DHRSX: variants seen among roughly 807,000 people sequenced by gnomAD.
The protein encoded by DHRSX is polyprenol dehydrogenase.
DHRSX carries 31 observed loss-of-function variants against 34.0 expected under a neutral mutation model. The ratio of observed to expected loss-of-function variants is 0.91; its 90% CI spans 0.69 to 1.23. DHRSX has a LOEUF of 1.23. Ranked by LOEUF, DHRSX falls within the 50% of genes most tolerant of loss-of-function variation. The pLI, the probability that DHRSX is intolerant of heterozygous loss-of-function variation, is 0.00. For missense variants in DHRSX, 414 were observed against 428.1 expected, an observed-to-expected ratio of 0.97 and a Z score of 0.29; for synonymous variants, 201 against 183.8, an observed-to-expected ratio of 1.09 and a Z score of -0.76.
rs147261132 is a variant in DHRSX, at chrX:2,340,440, G to A, written c.287-48837C>T. 7.0e-4 allele frequency among the ~76,000 whole-genome samples: 105 copies of A among 150,310 alleles called. 1 individual carries two copies. Among genetic ancestry groups the A allele is most frequent in the Admixed American group, 2.4e-3 (36 of 15,100 alleles). On this transcript the variant is annotated intron_variant, in intron 3 of 6. Transcript: ENST00000334651. ...GTAGTATTCCATGGTGTGTGTGTGCGTCTGTCTGTGTGTGTGTGTGTATAT... is the reference window on the plus strand; with the variant it reads ...GTAGTATTCCATGGTGTGTGTGTGCATCTGTCTGTGTGTGTGTGTGTATAT...
chrX:2,240,030 C>G (rs1000596273), intron 6 of DHRSX, among the ~76,000 whole-genome samples: 27 of 151,814 alleles, frequency 1.8e-4, no homozygotes, highest in South Asian at 4.2e-4. Context: ...CGGTGGCTCA[C>G]GCCTGTAATC....
rs140389232 is a variant in DHRSX at position 2,302,003 on chromosome X, C to T, written c.287-10400G>A. Among the ~76,000 whole-genome samples the T allele has an allele frequency of 1.2e-3, 177 of 152,202 alleles. 2 individuals carry two copies. In the East Asian group the frequency reaches 0.031, roughly 26 times the overall value. ...CCCGGGTCCCCAGAACAGAGGTGGA[C>T]ATGGCTCCGATATCACAAGAACTGG... On this transcript the variant is annotated intron_variant, in intron 3 of 6. Transcript: ENST00000334651.
intron 3 of DHRSX, among the ~76,000 whole-genome samples, chrX:2,385,709 T>G (rs750522438): frequency 9.2e-5 from 14 of 152,248 alleles, no homozygotes; most frequent in Non-Finnish European, 5.9e-5. Context: ...GAGTTGCAAC[T>G]AAGTCAGGAG....
chrX:2,294,517 T>A (rs182171261), intron 3 of DHRSX, among the ~76,000 whole-genome samples: 71 of 151,718 alleles, frequency 4.7e-4, no homozygotes, highest in Non-Finnish European at 9.0e-4. Flanking sequence ...ATACAAAAAT[T>A]AGGCGACTGT....
chrX:2,282,642 G>GGGAGAGAGGGAAGGAA (rs2041726713), intron 4 of DHRSX, among the ~76,000 whole-genome samples: 1 of 67,560 alleles, frequency 1.5e-5, no homozygotes, highest in African/African-American at 4.9e-5. Context: ...GGGAAAGGGA[G>GGGAGAGAGGGAAGGAA]GGAGAGAGGG....
At chrX:2,365,338 C>A (rs9785579) in intron 3 of DHRSX, among the ~76,000 whole-genome samples, 1 of 152,152 alleles carries the variant, frequency 6.6e-6, no homozygotes, top group Non-Finnish European at 1.5e-5. Flanking sequence ...CAGGGTTTCA[C>A]CATGTTGGCC....
Position 2,335,519 on chromosome X carries a change from C to T in DHRSX, c.287-43916G>A, listed in dbSNP as rs771888091. Among the ~76,000 whole-genome samples the T allele has an allele frequency of 2.6e-5, 4 of 151,956 alleles. No homozygotes were observed. In the South Asian group the frequency reaches 6.2e-4, roughly 24 times the overall value. On this transcript the variant is annotated intron_variant, in intron 3 of 6. Coordinates refer to ENST00000334651, the MANE Select transcript of DHRSX (RefSeq NM_145177.3). ...AGGCTGGAGTGCAGTGGCGCGACCT[C>T]GGCTCACTGCAACCTCAGCCTCCCA...
intron 3 of DHRSX, among the ~76,000 whole-genome samples, chrX:2,406,450 T>G (rs1317111638): frequency 3.3e-5 from 5 of 151,700 alleles, no homozygotes; most frequent in Non-Finnish European, 7.4e-5. Flanking sequence ...TTTGTTTTTT[T>G]TTTTCTTTGA....
At chrX:2,348,125 G>C (rs2042743541) in intron 3 of DHRSX, among the ~76,000 whole-genome samples, 1 of 152,148 alleles carries the variant, frequency 6.6e-6, no homozygotes, top group Non-Finnish European at 1.5e-5. Flanking sequence ...ATAAGAAAAA[G>C]ACAGTGTGTT....
chrX:2,368,707 A>G lies in DHRSX; in HGVS notation c.286+40038T>C, dbSNP rs974917185. On this transcript the variant is annotated intron_variant, in intron 3 of 6. Coordinates refer to ENST00000334651, the MANE Select transcript of DHRSX (RefSeq NM_145177.3). ...TCTACTAAAAATACAAAAATTAGCC[A>G]GGCATGGTGACAGGTGCCTGTAATC... Among the ~76,000 whole-genome samples the G allele has an allele frequency of 4.6e-5, 7 of 151,886 alleles. No individual in the cohort carries two copies. The East Asian group carries it at 5.8e-4, about 13-fold the overall frequency.
At chrX:2,476,947 A>AGC (rs1244679821) in intron 1 of DHRSX, among the ~76,000 whole-genome samples, 1 of 152,146 alleles carries the variant, frequency 6.6e-6, no homozygotes, top group African/African-American at 2.4e-5. Flanking sequence ...GGCTGCAGTG[A>AGC]GCCGAGATCA....
intron 1 of DHRSX, among the ~76,000 whole-genome samples, chrX:2,436,062 A>G (rs894200874): frequency 1.3e-5 from 2 of 151,914 alleles, no homozygotes; most frequent in African/African-American, 4.8e-5. Flanking sequence ...GCATGGTAGC[A>G]CGCACCTGTA....
intron 5 of DHRSX, among the ~76,000 whole-genome samples, chrX:2,256,976 A>G (rs2041288186): frequency 6.6e-6 from 1 of 152,084 alleles, no homozygotes; most frequent in Admixed American, 6.6e-5. Flanking sequence ...TTAAGACAGA[A>G]TCTTGCTTTG....
chrX:2,310,985 C>T (rs185652588), intron 3 of DHRSX, among the ~76,000 whole-genome samples: 3 of 150,966 alleles, frequency 2.0e-5, no homozygotes, highest in East Asian at 2.0e-4. Flanking sequence ...CGCTTGAATC[C>T]GGGAGGCGGA....
chrX:2,328,421 G>A (rs1251836781), intron 3 of DHRSX, among the ~76,000 whole-genome samples: 7 of 148,024 alleles, frequency 4.7e-5, no homozygotes, highest in South Asian at 2.2e-4. Flanking sequence ...GGCCTCAGGA[G>A]GAACCAGCCC....
At chrX:2,289,454 A>G (rs966611843) in intron 4 of DHRSX, among the ~76,000 whole-genome samples, 5 of 152,146 alleles carry the variant, frequency 3.3e-5, no homozygotes, top group African/African-American at 1.2e-4. Context: ...TGGTGGATGC[A>G]AGCCCATACC....
At chrX:2,482,795 G>A in intron 1 of DHRSX, among the ~76,000 whole-genome samples, 1 of 152,236 alleles carries the variant, frequency 6.6e-6, no homozygotes, top group Non-Finnish European at 1.5e-5. Flanking sequence ...TAGGAGTCCG[G>A]TGACCTCGAA....
At chrX:2,472,908 A>C (rs28417770) in intron 1 of DHRSX, among the ~76,000 whole-genome samples, 2 of 151,970 alleles carry the variant, frequency 1.3e-5, no homozygotes, top group Non-Finnish European at 2.9e-5. Context: ...CGTTGCCAAC[A>C]TGAGTGTGAG....
At chrX:2,323,962 T>A (rs1289235442) in intron 3 of DHRSX, among the ~76,000 whole-genome samples, 1 of 150,122 alleles carries the variant, frequency 6.7e-6, no homozygotes, top group Non-Finnish European at 1.5e-5. Flanking sequence ...GAGGCTGAGA[T>A]GTGAGGATCA....
Sources: allele counts gnomAD v4.1 joint callset (sites outside exome capture counted in the v4.1 genomes callset), GRCh38; gene constraint gnomAD v4.1.1; transcripts MANE v1.5; gene names NCBI Gene and HGNC (gene_info 2026-07-23, HGNC 2026-07-21).